WASF3: variants seen among roughly 807,000 people sequenced by gnomAD.
The protein encoded by WASF3 is actin-binding protein WASF3.
Under a neutral mutation model 46.6 loss-of-function variants are expected in WASF3, and 11 were observed. The ratio of observed to expected loss-of-function variants is 0.24; its 90% CI spans 0.15 to 0.39. The LOEUF is 0.39. Ranked by LOEUF, WASF3 falls within the 10% of genes least tolerant of loss-of-function variation. The probability of loss-of-function intolerance (pLI) is 1.00; values close to 1 mark genes in which losing one functional copy is unlikely to be tolerated. For synonymous variants in WASF3, 242 were observed against 259.7 expected, an observed-to-expected ratio of 0.93 and a Z score of 0.65; for missense variants, 576 against 669.8, an observed-to-expected ratio of 0.86 and a Z score of 1.55.
At chr13:26,671,670 A>G (rs1306731690) in intron 5 of WASF3, among the ~76,000 whole-genome samples, 1 of 152,188 alleles carries the variant, frequency 6.6e-6, no homozygotes, top group East Asian at 1.9e-4. Flanking sequence ...AACCTACAAC[A>G]GGTTATTCTA....
At chr13:26,597,348 T>C (rs1173863571) in intron 1 of WASF3, among the ~76,000 whole-genome samples, 3 of 152,244 alleles carry the variant, frequency 2.0e-5, no homozygotes, top group African/African-American at 7.2e-5. Flanking sequence ...TTGGCCAGGC[T>C]GATCTCGAAC....
Position 26,676,589 on chromosome 13 carries a change from A to G in WASF3, c.581A>G (p.Lys194Arg). 1.2e-6 allele frequency: 2 copies of G among 1,614,092 alleles called. No homozygotes were observed. Among genetic ancestry groups the G allele is most frequent in the Non-Finnish European group, 1.7e-6 (2 of 1,179,994 alleles). Residue 194 changes from lysine to arginine, a missense_variant, in exon 7 of 10, where the codon AAG becomes AGG. Around this residue, in one of 3 missense-constraint regions of WASF3, gnomAD observed 213 missense variants for 278.0 expected, o/e 0.77. Transcript: ENST00000335327. The part of the protein sequence containing the change: ...RIDGTTREVK[K>R]VRKARNRRQE... ...GATGGCACCACCCGTGAGGTGAAAAAGGTTAGAAAAGCCAGAAACAGGCGC... is the reference window on the plus strand; with the variant it reads ...GATGGCACCACCCGTGAGGTGAAAAGGGTTAGAAAAGCCAGAAACAGGCGC...
intron 1 of WASF3, among the ~76,000 whole-genome samples, chr13:26,591,382 G>A (rs1880288311): frequency 6.6e-6 from 1 of 152,126 alleles, no homozygotes; most frequent in South Asian, 2.1e-4. Flanking sequence ...GAGACCAGCC[G>A]GGAGGCTTGG....
At chr13:26,554,096 C>CTTCTTTCTCTCTTTCTTTCT (rs1879039441), upstream of WASF3, among the ~76,000 whole-genome samples, 3 of 7,386 alleles carry the variant, frequency 4.1e-4, no homozygotes, top group African/African-American at 1.1e-3. Flanking sequence ...TCCTTCCTTC[C>CTTCTTTCTCTCTTTCTTTCT]TTCTTTCTTT....
At chr13:26,615,519 G>C (rs1297913843) in intron 2 of WASF3, among the ~76,000 whole-genome samples, 1 of 152,078 alleles carries the variant, frequency 6.6e-6, no homozygotes, top group Non-Finnish European at 1.5e-5. Context: ...ATGTTGGCCA[G>C]GATGGTCTCG....
Position 26,642,343 on chromosome 13 carries a change from G to A in WASF3, c.73G>A (p.Glu25Lys). 3.1e-6 allele frequency: 5 copies of A among 1,612,202 alleles called. No individual in the cohort carries two copies. The highest frequency in any genetic ancestry group is 1.3e-5 in the African/African-American group (1 of 74,954). ...AGCTCTGCCTGAAGGGATTACCAGCGAACTTGAATGTGTAACCAATAGTAC... is the reference window on the plus strand; with the variant it reads ...AGCTCTGCCTGAAGGGATTACCAGCAAACTTGAATGTGTAACCAATAGTAC... ...RGALPEGITS[E>K]LECVTNSTLA... The change falls in exon 3 of 10, where the codon GAA becomes AAA. Residue 25 changes from glutamate (E) to lysine (K), a missense_variant. Physicochemically the swap from Glu to Lys is moderately conservative, Grantham distance 56. Coordinates refer to ENST00000335327, the MANE Select transcript of WASF3 (RefSeq NM_006646.6).
intron 1 of WASF3, among the ~76,000 whole-genome samples, chr13:26,582,256 G>A (rs547891444): frequency 9.5e-4 from 144 of 152,290 alleles, no homozygotes; most frequent in African/African-American, 3.3e-3. Context: ...AGACCTGATG[G>A]GACAGGTCAG....
chr13:26,623,456 C>T (rs1370940138), intron 2 of WASF3, among the ~76,000 whole-genome samples: 1 of 152,152 alleles, frequency 6.6e-6, no homozygotes, highest in African/African-American at 2.4e-5. Context: ...ACCCTCTTTC[C>T]TGCCCTGTGA....
intron 1 of WASF3, among the ~76,000 whole-genome samples, chr13:26,609,981 A>C (rs1255553432): frequency 6.6e-6 from 1 of 152,230 alleles, no homozygotes; most frequent in Non-Finnish European, 1.5e-5. Flanking sequence ...GAAGTAAAAT[A>C]TGGAGTTCCT....
At chr13:26,632,012 A>G (rs552278586) in intron 2 of WASF3, among the ~76,000 whole-genome samples, 1 of 152,284 alleles carries the variant, frequency 6.6e-6, no homozygotes, top group East Asian at 1.9e-4. Flanking sequence ...TAATTTTTGC[A>G]CGTTGATTTT....
intron 1 of WASF3, among the ~76,000 whole-genome samples, chr13:26,593,125 G>C (rs1880353852): frequency 6.6e-6 from 1 of 152,192 alleles, no homozygotes. Context: ...TGTGGGTGGG[G>C]AGTGGGGGCG....
At chr13:26,627,779 T>TATTTTAAATATA in intron 2 of WASF3, among the ~76,000 whole-genome samples, 1 of 151,758 alleles carries the variant, frequency 6.6e-6, no homozygotes, top group South Asian at 2.1e-4. Flanking sequence ...TAGATATACC[T>TATTTTAAATATA]AATGCTAGAT....
chr13:26,686,941 T>C lies in WASF3; in HGVS notation c.*1096T>C, dbSNP rs181935465. ...GGGGCCAGATTAGGGATCACTCCCGTGAGGAGGGCCTTCACCCTGTTCTAG... is the reference window on the plus strand; with the variant it reads ...GGGGCCAGATTAGGGATCACTCCCGCGAGGAGGGCCTTCACCCTGTTCTAG... On this transcript the variant is annotated 3_prime_UTR_variant, in exon 10 of 10. Coordinates refer to ENST00000335327, the MANE Select transcript of WASF3 (RefSeq NM_006646.6). The C allele has an allele frequency of 3.9e-5, 6 of 152,382 alleles. No homozygotes were observed. The highest frequency in any genetic ancestry group is 3.9e-4 in the Admixed American group (6 of 15,310). 9.4% of individuals were successfully genotyped at this position (152,382 alleles called of 1,614,324 possible).
At chr13:26,561,607 G>A (rs977793062) in intron 1 of WASF3, among the ~76,000 whole-genome samples, 5 of 152,192 alleles carry the variant, frequency 3.3e-5, no homozygotes, top group Non-Finnish European at 7.3e-5. Context: ...CAAACAGTTT[G>A]AGAGTTTCCC....
chr13:26,561,173 G>A (rs757627748), intron 1 of WASF3, among the ~76,000 whole-genome samples: 4 of 152,130 alleles, frequency 2.6e-5, no homozygotes, highest in African/African-American at 7.2e-5. Context: ...TGTGGAGTTC[G>A]GAGACCTCTG....
chr13:26,558,774 GAAAATT>G lies in WASF3; in HGVS notation c.-109+960_-109+965del, dbSNP rs1305553647. ...CAACAGTCTCGAGTTTTCAAAAACT[GAAAATT>G]AAAAAGACTACTTTTCGCAGTTCTT... is the stretch of plus-strand genomic sequence containing the variant. On this transcript the variant is annotated intron_variant, in intron 1 of 9. Coordinates refer to ENST00000335327, the MANE Select transcript of WASF3 (RefSeq NM_006646.6). Among the ~76,000 whole-genome samples, 4 of 152,132 alleles carry G rather than the reference GAAAATT, an allele frequency of 2.6e-5. No individual in the cohort carries two copies. The East Asian group carries it at 7.7e-4, about 29-fold the overall frequency.
At chr13:26,652,217 A>G (rs1316431989) in intron 3 of WASF3, among the ~76,000 whole-genome samples, 20 of 152,236 alleles carry the variant, frequency 1.3e-4, no homozygotes, top group Non-Finnish European at 4.4e-5. Flanking sequence ...TGCCCTGCAA[A>G]CACAAGTTAT....
chr13:26,603,065 G>C (rs1880688857), intron 1 of WASF3, among the ~76,000 whole-genome samples: 1 of 152,152 alleles, frequency 6.6e-6, no homozygotes, highest in Non-Finnish European at 1.5e-5. Flanking sequence ...GGGCCCATGG[G>C]GAGGTAAGAG....
At chr13:26,609,983 G>C (rs1027951922) in intron 1 of WASF3, among the ~76,000 whole-genome samples, 2 of 152,118 alleles carry the variant, frequency 1.3e-5, no homozygotes, top group African/African-American at 4.8e-5. Flanking sequence ...AGTAAAATAT[G>C]GAGTTCCTCA....
Sources: allele counts gnomAD v4.1 joint callset (sites outside exome capture counted in the v4.1 genomes callset), GRCh38; gene constraint gnomAD v4.1.1; regional missense constraint gnomAD v4.1.1; transcripts MANE v1.5; gene names NCBI Gene and HGNC (gene_info 2026-07-23, HGNC 2026-07-21).